Variants in PBX1 observed in about 807,000 individuals in gnomAD.
PBX1 encodes PBX homeobox 1.
In PBX1, 6 loss-of-function variants were observed where a neutral mutation model predicts 53.4. The ratio of observed to expected loss-of-function variants is 0.11; its 90% CI spans 0.06 to 0.22. PBX1 has a LOEUF of 0.22. Among genes scored for constraint, PBX1 ranks in the 10% least tolerant of loss-of-function variants. The probability of loss-of-function intolerance (pLI) is 1.00; values close to 1 mark genes in which losing one functional copy is unlikely to be tolerated. For missense variants in PBX1, 251 were observed against 551.4 expected, an observed-to-expected ratio of 0.46 and a Z score of 5.46; for synonymous variants, 204 against 212.3, an observed-to-expected ratio of 0.96 and a Z score of 0.34.
intron 2 of PBX1, among the ~76,000 whole-genome samples, chr1:164,752,794 G>A (rs1486714595): frequency 1.3e-5 from 2 of 152,260 alleles, no homozygotes; most frequent in South Asian, 2.1e-4. Flanking sequence ...GAATCTGCAC[G>A]CTTTGGCCTG....
At chr1:164,708,702 C>T (rs1356903571) in intron 2 of PBX1, among the ~76,000 whole-genome samples, 1 of 152,188 alleles carries the variant, frequency 6.6e-6, no homozygotes, top group Non-Finnish European at 1.5e-5. Flanking sequence ...CCTCCGGCTG[C>T]ATCCATCAAC....
chr1:164,882,569 A>G (rs1446232812), intron 2 of PBX1, among the ~76,000 whole-genome samples: 1 of 152,188 alleles, frequency 6.6e-6, no homozygotes, highest in Non-Finnish European at 1.5e-5. Context: ...TTTCTACTGA[A>G]CTAACGCATA....
chr1:164,622,413 T>G (rs530827494), intron 2 of PBX1, among the ~76,000 whole-genome samples: 1 of 152,214 alleles, frequency 6.6e-6, no homozygotes, highest in Non-Finnish European at 1.5e-5. Context: ...TCTGGATTGA[T>G]CTTTTTCTAT....
At chr1:164,784,789 G>A (rs754682014) in intron 2 of PBX1, among the ~76,000 whole-genome samples, 68 of 152,168 alleles carry the variant, frequency 4.5e-4, no homozygotes, top group Non-Finnish European at 7.6e-4. Flanking sequence ...TTTGAGGGCC[G>A]CAAATTCTTG....
At chr1:164,678,351 A>G (rs1292443963) in intron 2 of PBX1, among the ~76,000 whole-genome samples, 1 of 152,220 alleles carries the variant, frequency 6.6e-6, no homozygotes. Context: ...CAGCCAGCAT[A>G]GAAGGCATAA....
intron 4 of PBX1, among the ~76,000 whole-genome samples, chr1:164,805,641 A>T (rs1024416193): frequency 1.4e-5 from 2 of 144,628 alleles, no homozygotes; most frequent in Non-Finnish European, 3.1e-5. Flanking sequence ...CCCCAGGCCT[A>T]AAACAACAGT....
At chr1:164,712,835 G>A (rs994142415) in intron 2 of PBX1, among the ~76,000 whole-genome samples, 1 of 152,208 alleles carries the variant, frequency 6.6e-6, no homozygotes, top group Non-Finnish European at 1.5e-5. Context: ...GCAGGCATAG[G>A]TGTGCGGTTC....
intron 2 of PBX1, among the ~76,000 whole-genome samples, chr1:164,647,539 C>A (rs1330773102): frequency 1.3e-5 from 2 of 152,136 alleles, no homozygotes; most frequent in Non-Finnish European, 2.9e-5. Flanking sequence ...TTTTAAGAAG[C>A]CTGAGGAGCT....
chr1:164,803,392 G>A (rs532593953), intron 4 of PBX1, among the ~76,000 whole-genome samples: 1 of 152,290 alleles, frequency 6.6e-6, no homozygotes, highest in East Asian at 1.9e-4. Flanking sequence ...AGGAATAATA[G>A]CAAAATAAAA....
chr1:164,824,746 A>G (rs1375070966), intron 8 of PBX1, among the ~76,000 whole-genome samples: 1 of 152,202 alleles, frequency 6.6e-6, no homozygotes, highest in Non-Finnish European at 1.5e-5. Context: ...GGCAATACTT[A>G]CTAAGCTTAG....
intron 2 of PBX1, among the ~76,000 whole-genome samples, chr1:164,712,165 G>A (rs531004802): frequency 1.6e-5 from 2 of 126,882 alleles, no homozygotes; most frequent in Non-Finnish European, 1.6e-5. Context: ...ACCCAGGGAA[G>A]GAAGAAGAGA....
intron 2 of PBX1, among the ~76,000 whole-genome samples, chr1:164,764,467 T>C (rs1174727863): frequency 6.6e-6 from 1 of 152,196 alleles, no homozygotes; most frequent in East Asian, 1.9e-4. Flanking sequence ...TGCTCTAATA[T>C]TTTTGTTGCA....
At chr1:164,798,669 T>C (rs1355355030) in intron 3 of PBX1, among the ~76,000 whole-genome samples, 2 of 152,214 alleles carry the variant, frequency 1.3e-5, no homozygotes, top group Non-Finnish European at 2.9e-5. Context: ...TGGGGAAATA[T>C]GATTTTCAAC....
chr1:164,875,299 ATTTAT>A (rs1312334937), intron 2 of PBX1, among the ~76,000 whole-genome samples: 1 of 152,042 alleles, frequency 6.6e-6, no homozygotes, highest in Admixed American at 6.6e-5. Flanking sequence ...ACATTATTTT[ATTTAT>A]TTTATTTTAT....
intron 2 of PBX1, among the ~76,000 whole-genome samples, chr1:164,707,638 GC>G (rs1663517761): frequency 6.6e-6 from 1 of 152,038 alleles, no homozygotes; most frequent in Admixed American, 6.6e-5. Context: ...TTTAAGAGTC[GC>G]CAAGCCAAGA....
chr1:164,790,121 T>C (rs191730579), intron 2 of PBX1, among the ~76,000 whole-genome samples: 1 of 152,336 alleles, frequency 6.6e-6, no homozygotes, highest in East Asian at 1.9e-4. Flanking sequence ...TTCTTTTCGG[T>C]GCCTTTAGGG....
chr1:164,685,333 G>T (rs1261840417), intron 2 of PBX1, among the ~76,000 whole-genome samples: 2 of 152,070 alleles, frequency 1.3e-5, no homozygotes, highest in East Asian at 3.9e-4. Context: ...GTTATTTTTA[G>T]TTCTATTTAT....
intron 2 of PBX1, among the ~76,000 whole-genome samples, chr1:164,612,328 G>A (rs759195876): frequency 5.3e-5 from 8 of 152,086 alleles, no homozygotes; most frequent in Non-Finnish European, 8.8e-5. Flanking sequence ...TTTCAAATGC[G>A]TCGCCATTGA....
At chr1:164,627,396 C>T (rs1658117008) in intron 2 of PBX1, among the ~76,000 whole-genome samples, 1 of 152,224 alleles carries the variant, frequency 6.6e-6, no homozygotes, top group East Asian at 1.9e-4. Context: ...GTGTGGCCGG[C>T]AATTGCTTGG....
Sources: allele counts gnomAD v4.1 joint callset (sites outside exome capture counted in the v4.1 genomes callset), GRCh38; gene constraint gnomAD v4.1.1; transcripts MANE v1.5; gene names NCBI Gene and HGNC (gene_info 2026-07-23, HGNC 2026-07-21).